Variants in FAM174A observed in about 807,000 individuals in gnomAD.
FAM174A encodes membrane protein FAM174A.
In FAM174A, 14 loss-of-function variants were observed where a neutral mutation model predicts 14.3. The observed-to-expected ratio is 0.98, with a 90% CI of 0.65 to 1.53. FAM174A has a LOEUF of 1.53. FAM174A is among the 40% of genes most tolerant of loss of function. The pLI is 0.00. For missense variants in FAM174A, 241 were observed against 249.6 expected (o/e 0.97, Z 0.23); for synonymous variants, 108 against 111.4 (o/e 0.97, Z 0.19).
At chr5:100,581,395 A>T (rs1214644145) in intron 2 of FAM174A, 1 of 985,046 alleles carries the variant, frequency 1.0e-6, no homozygotes. Context: ...AGCAACATGG[A>T]TTTCACTGAG....
chr5:100,564,750 A>T (rs778830589), intron 2 of FAM174A, among the ~76,000 whole-genome samples: 2 of 151,904 alleles, frequency 1.3e-5, no homozygotes, highest in African/African-American at 4.8e-5. Flanking sequence ...ATGAACAATT[A>T]TATGCCAACA....
At chr5:100,559,642 C>T (rs937805694) in intron 1 of FAM174A, among the ~76,000 whole-genome samples, 8 of 152,018 alleles carry the variant, frequency 5.3e-5, no homozygotes, top group South Asian at 2.1e-4. Context: ...AGGCTTTGTT[C>T]GTTTCTTTTT....
At chr5:100,554,729 T>C (rs1462277484) in intron 1 of FAM174A, among the ~76,000 whole-genome samples, 2 of 152,194 alleles carry the variant, frequency 1.3e-5, no homozygotes, top group Non-Finnish European at 2.9e-5. Flanking sequence ...GCCAAATTCC[T>C]TCTTCTGATG....
At chr5:100,583,637 G>T (rs1169203969) in intron 2 of FAM174A, among the ~76,000 whole-genome samples, 5 of 150,462 alleles carry the variant, frequency 3.3e-5, no homozygotes, top group African/African-American at 1.2e-4. Flanking sequence ...TTTTATTACC[G>T]ATTTTTTTTT....
intron 2 of FAM174A, among the ~76,000 whole-genome samples, chr5:100,571,672 G>GTATATATATATA (rs529767869): frequency 1.5e-3 from 203 of 136,598 alleles, no homozygotes; most frequent in Middle Eastern, 4.1e-3. Flanking sequence ...GTGTGTGTGT[G>GTATATATATATA]TATATATATA....
At chr5:100,572,691 G>A (rs1214699235) in intron 2 of FAM174A, among the ~76,000 whole-genome samples, 1 of 152,000 alleles carries the variant, frequency 6.6e-6, no homozygotes, top group Admixed American at 6.6e-5. Context: ...TTGCTATTGT[G>A]AATAATGCCA....
At chr5:100,557,916 G>GT (rs1217874082) in intron 1 of FAM174A, among the ~76,000 whole-genome samples, 6 of 152,098 alleles carry the variant, frequency 3.9e-5, no homozygotes, top group Non-Finnish European at 8.8e-5. Context: ...TTTTTGAAGG[G>GT]TTTTTTATGT....
chr5:100,550,807 TGTG>T (rs1306632922), intron 1 of FAM174A, among the ~76,000 whole-genome samples: 5 of 152,088 alleles, frequency 3.3e-5, no homozygotes, highest in African/African-American at 1.2e-4. Flanking sequence ...ACAGCAGTAT[TGTG>T]GTAGGTGAGA....
intron 2 of FAM174A, among the ~76,000 whole-genome samples, chr5:100,564,443 T>C (rs1746595538): frequency 6.6e-6 from 1 of 151,652 alleles, no homozygotes; most frequent in Non-Finnish European, 1.5e-5. Context: ...AGACTTCAAA[T>C]AAACAACCTA....
intron 2 of FAM174A, among the ~76,000 whole-genome samples, chr5:100,572,384 C>A (rs1007023472): frequency 6.6e-5 from 10 of 151,102 alleles, no homozygotes; most frequent in African/African-American, 2.2e-4. Context: ...TATATCTCCC[C>A]ATGCTATCCC....
chr5:100,574,230 C>T (rs1746855140), intron 2 of FAM174A, among the ~76,000 whole-genome samples: 2 of 151,934 alleles, frequency 1.3e-5, no homozygotes, highest in South Asian at 4.2e-4. Flanking sequence ...GCTCTGTCAC[C>T]CAAGCTGGAG....
At chr5:100,585,323 GTATA>G (rs1364307815) in intron 2 of FAM174A, among the ~76,000 whole-genome samples, 1 of 152,122 alleles carries the variant, frequency 6.6e-6, no homozygotes, top group Non-Finnish European at 1.5e-5. Flanking sequence ...TAGTAGATTT[GTATA>G]TATGTTAGGA....
chr5:100,557,838 ATTAGTC>A (rs1161711674), intron 1 of FAM174A, among the ~76,000 whole-genome samples: 1 of 150,626 alleles, frequency 6.6e-6, no homozygotes, highest in Non-Finnish European at 1.5e-5. Flanking sequence ...TTTTTTCTTT[ATTAGTC>A]TTGCTAGCAG....
chr5:100,572,547 C>A (rs1333510153), intron 2 of FAM174A, among the ~76,000 whole-genome samples: 1 of 151,658 alleles, frequency 6.6e-6, no homozygotes, highest in Non-Finnish European at 1.5e-5. Flanking sequence ...TGATGATTTC[C>A]AATTTCATTC....
At chr5:100,566,981 G>T (rs1341352716) in intron 2 of FAM174A, among the ~76,000 whole-genome samples, 1 of 151,834 alleles carries the variant, frequency 6.6e-6, no homozygotes, top group East Asian at 1.9e-4. Context: ...TGCATGGGAT[G>T]ACTTGCATTA....
At chr5:100,561,354 GTC>G (rs1158455140) in intron 1 of FAM174A, among the ~76,000 whole-genome samples, 1 of 151,872 alleles carries the variant, frequency 6.6e-6, no homozygotes, top group Non-Finnish European at 1.5e-5. Context: ...TATTCACTAG[GTC>G]TGGGCTAGCC....
intron 1 of FAM174A, among the ~76,000 whole-genome samples, chr5:100,549,282 A>C (rs947370311): frequency 6.6e-6 from 1 of 152,158 alleles, no homozygotes; most frequent in African/African-American, 2.4e-5. Flanking sequence ...TTAGAAATGG[A>C]GGTCAGAAGA....
At chr5:100,573,056 AG>A (rs1378225533) in intron 2 of FAM174A, among the ~76,000 whole-genome samples, 1 of 149,812 alleles carries the variant, frequency 6.7e-6, no homozygotes, top group Non-Finnish European at 1.5e-5. Flanking sequence ...TCTTCTTTTG[AG>A]AAGTGTCTGT....
At chr5:100,571,844 T>A (rs1580375636) in intron 2 of FAM174A, among the ~76,000 whole-genome samples, 3 of 151,820 alleles carry the variant, frequency 2.0e-5, no homozygotes, top group African/African-American at 7.3e-5. Flanking sequence ...ATACAGTAGG[T>A]TTTACAACCA....
Sources: gnomAD v4.1 joint callset for allele counts (sites outside exome capture counted in the v4.1 genomes callset) on GRCh38, gnomAD v4.1.1 for gene constraint, MANE v1.5 for transcripts, NCBI Gene and HGNC (gene_info 2026-07-23, HGNC 2026-07-21) for gene names.